The following ZFYVE9 variants were observed in gnomAD, a reference collection of about 807,000 sequenced individuals.
ZFYVE9 encodes the protein zinc finger FYVE domain-containing protein 9.
A neutral mutation model predicts 126.7 loss-of-function variants in ZFYVE9; 43 were observed. The ratio of observed to expected loss-of-function variants is 0.34; its 90% CI spans 0.27 to 0.44. The LOEUF (loss-of-function observed/expected upper bound fraction) is 0.44, where lower values mean the gene tolerates loss of function less well. ZFYVE9 is among the 20% of genes least tolerant of loss of function. ZFYVE9 has a pLI of 1.00. For synonymous variants in ZFYVE9, 521 were observed against 597.4 expected (o/e 0.87, Z 1.87); for missense variants, 1,476 against 1,697.0 (o/e 0.87, Z 2.29).
At chr1:52,303,596 TTG>T (rs1259687132) in intron 12 of ZFYVE9, among the ~76,000 whole-genome samples, 2 of 152,120 alleles carry the variant, frequency 1.3e-5, no homozygotes, top group African/African-American at 4.8e-5. Flanking sequence ...TTTTTTAATG[TTG>T]TGTATAAGAG....
At chr1:52,203,541 G>A (rs1407754595) in intron 1 of ZFYVE9, among the ~76,000 whole-genome samples, 1 of 139,428 alleles carries the variant, frequency 7.2e-6, no homozygotes, top group African/African-American at 2.7e-5. Flanking sequence ...ATATAACTAT[G>A]TATAGGTTTT....
chr1:52,192,076 A>C (rs1469873386), intron 1 of ZFYVE9, among the ~76,000 whole-genome samples: 1 of 152,076 alleles, frequency 6.6e-6, no homozygotes, highest in African/African-American at 2.4e-5. Flanking sequence ...AGTGAATTTA[A>C]GAGGAAGATA....
At chr1:52,202,724 C>T (rs992725147) in intron 1 of ZFYVE9, among the ~76,000 whole-genome samples, 1 of 151,624 alleles carries the variant, frequency 6.6e-6, no homozygotes, top group Non-Finnish European at 1.5e-5. Flanking sequence ...CTTACTCTGT[C>T]ACCCAGGCTG....
intron 13 of ZFYVE9, among the ~76,000 whole-genome samples, chr1:52,305,677 G>A: frequency 6.6e-6 from 1 of 152,094 alleles, no homozygotes; most frequent in East Asian, 1.9e-4. Context: ...GCAGACCTGG[G>A]CCTTCTGCTC....
At chr1:52,322,342 G>T (rs898712586) in intron 13 of ZFYVE9, among the ~76,000 whole-genome samples, 34 of 148,404 alleles carry the variant, frequency 2.3e-4, no homozygotes, top group Non-Finnish European at 6.0e-5. Flanking sequence ...ACCCTTGTCA[G>T]TCTGTTTTTA....
At position 52,281,801 on chromosome 1, in the gene ZFYVE9, C is replaced by T. The variant is rs763677280; in HGVS notation, c.3010C>T (p.Arg1004Trp). The change falls in exon 10 of 19, where the codon CGG becomes TGG. Residue 1004 changes from arginine to tryptophan, a missense_variant. Coordinates refer to ENST00000287727, the MANE Select transcript of ZFYVE9 (RefSeq NM_004799.4). Reference protein sequence around the residue: ...DIFNHFVQLYRDALAGNVVSN... With the variant: ...DIFNHFVQLYWDALAGNVVSN... Reference sequence around the variant, plus strand: ...CTTTAATCACTTTGTGCAGCTTTATCGGGATGCTCTGGCAGGTAGGAATGC... The same window carrying T: ...CTTTAATCACTTTGTGCAGCTTTATTGGGATGCTCTGGCAGGTAGGAATGC... 14 of 1,614,064 alleles carry T rather than the reference C, an allele frequency of 8.7e-6. No homozygotes were observed. The highest frequency in any genetic ancestry group is 1.3e-5 in the African/African-American group (1 of 75,006).
Position 52,317,840 on chromosome 1 carries a change from A to G in ZFYVE9, c.3438+13915A>G, listed in dbSNP as rs7535537. Among the ~76,000 whole-genome samples the G allele has an allele frequency of 3.9e-5, 6 of 152,344 alleles. 1 individual carries two copies. The South Asian group carries it at 1.2e-3, about 32-fold the overall frequency. On this transcript the variant is annotated intron_variant, in intron 13 of 18. Transcript: ENST00000287727. The stretch of plus-strand genomic sequence containing the variant: ...GATAAAATAGGCAAATTATTTGAAC[A>G]GTAAGTTTTCACAGCTCTCAAGATT...
intron 1 of ZFYVE9, among the ~76,000 whole-genome samples, chr1:52,170,803 C>G (rs1381339425): frequency 1.3e-5 from 2 of 151,908 alleles, no homozygotes; most frequent in African/African-American, 4.8e-5. Flanking sequence ...ATTTTATTCC[C>G]TTGTGGTCAG....
chr1:52,338,383 A>G (rs576686863), intron 16 of ZFYVE9, among the ~76,000 whole-genome samples: 29 of 152,352 alleles, frequency 1.9e-4, no homozygotes, highest in African/African-American at 6.3e-4. Flanking sequence ...CTTGGGCTTC[A>G]AACTCTGTAT....
At position 52,281,830 on chromosome 1, in the gene ZFYVE9, A is replaced by T; in HGVS notation, c.3025+14A>T. 6.2e-7 allele frequency: 1 copy of T among 1,614,056 alleles called. No homozygotes were observed. Among genetic ancestry groups the T allele is most frequent in the South Asian group, 1.1e-5 (1 of 91,076 alleles). On this transcript the variant is annotated intron_variant, in intron 10 of 18. Coordinates refer to ENST00000287727, the MANE Select transcript of ZFYVE9 (RefSeq NM_004799.4). The stretch of plus-strand genomic sequence containing the variant: ...ATGCTCTGGCAGGTAGGAATGCTTT[A>T]TGACTTAGTCTGCTCCCTTTGTAGA...
chr1:52,253,846 A>T, intron 4 of ZFYVE9: 2 of 1,392,798 alleles, frequency 1.4e-6, no homozygotes, highest in East Asian at 2.3e-5. Context: ...AACAGTTAAG[A>T]CATTATATAT....
intron 1 of ZFYVE9, among the ~76,000 whole-genome samples, chr1:52,211,703 A>C (rs1352407164): frequency 6.6e-6 from 1 of 152,208 alleles, no homozygotes; most frequent in African/African-American, 2.4e-5. Flanking sequence ...TAAGAGTTTG[A>C]TTACTGGTCA....
intron 4 of ZFYVE9, among the ~76,000 whole-genome samples, chr1:52,247,480 A>C (rs915603453): frequency 1.3e-5 from 2 of 152,148 alleles, no homozygotes; most frequent in Non-Finnish European, 2.9e-5. Flanking sequence ...TTGTACAACC[A>C]TAACAACTAT....
intron 1 of ZFYVE9, chr1:52,180,103 A>T: frequency 1.1e-6 from 1 of 941,018 alleles, no homozygotes; most frequent in East Asian, 2.4e-5. Flanking sequence ...TTGAAGAATA[A>T]ATTTGAAGAA....
chr1:52,318,177 CATAAA>C (rs1354506921), intron 13 of ZFYVE9, among the ~76,000 whole-genome samples: 7 of 152,134 alleles, frequency 4.6e-5, no homozygotes, highest in African/African-American at 1.4e-4. Flanking sequence ...TCTAACAATA[CATAAA>C]ATAATAATGT....
chr1:52,304,067 G>A (rs1422563099), intron 13 of ZFYVE9, 142 bp downstream of exon 13: 6 of 478,740 alleles, frequency 1.3e-5, no homozygotes, highest in Non-Finnish European at 2.0e-5. Flanking sequence ...TTCAATTATG[G>A]GGAATTTCAT....
intron 12 of ZFYVE9, among the ~76,000 whole-genome samples, chr1:52,299,951 C>T (rs938184921): frequency 5.9e-5 from 9 of 152,218 alleles, no homozygotes; most frequent in African/African-American, 9.6e-5. Flanking sequence ...TTGTGAGGAC[C>T]GCGGGACGAG....
At chr1:52,195,523 A>G (rs2124560655) in intron 1 of ZFYVE9, among the ~76,000 whole-genome samples, 1 of 152,340 alleles carries the variant, frequency 6.6e-6, no homozygotes, top group South Asian at 2.1e-4. Flanking sequence ...CTCTTGTAGT[A>G]TACATCTTGG....
chr1:52,207,051 T>C (rs558093705), intron 1 of ZFYVE9, among the ~76,000 whole-genome samples: 2 of 152,378 alleles, frequency 1.3e-5, no homozygotes, highest in East Asian at 3.9e-4. Flanking sequence ...TTATCTCTTC[T>C]GGAAACATTC....
Sources: allele counts gnomAD v4.1 joint callset (sites outside exome capture counted in the v4.1 genomes callset), GRCh38; gene constraint gnomAD v4.1.1; transcripts MANE v1.5; gene names NCBI Gene and HGNC (gene_info 2026-07-23, HGNC 2026-07-21).